ESR1: variants seen among roughly 807,000 people sequenced by gnomAD.
ESR1 encodes estrogen receptor.
A neutral mutation model predicts 52.7 loss-of-function variants in ESR1; 12 were observed. The observed-to-expected ratio is 0.23, with a 90% CI of 0.15 to 0.37. The LOEUF (loss-of-function observed/expected upper bound fraction) is 0.37, where lower values mean the gene tolerates loss of function less well. Ranked by LOEUF, ESR1 falls within the 10% of genes least tolerant of loss-of-function variation. The pLI is 1.00. For missense variants in ESR1, 584 were observed against 779.7 expected, an observed-to-expected ratio of 0.75 and a Z score of 2.99; for synonymous variants, 305 against 316.8, an observed-to-expected ratio of 0.96 and a Z score of 0.39.
chr6:152,022,031 C>T (rs748236794), intron 5 of ESR1, among the ~76,000 whole-genome samples: 6 of 152,108 alleles, frequency 3.9e-5, no homozygotes, highest in South Asian at 2.1e-4. Context: ...AGCATGAAAA[C>T]GGACTAATAC....
At chr6:151,922,915 T>G (rs1353072364) in intron 3 of ESR1, among the ~76,000 whole-genome samples, 1 of 152,210 alleles carries the variant, frequency 6.6e-6, no homozygotes, top group Non-Finnish European at 1.5e-5. Context: ...ATGTCTCCAA[T>G]TCTAACCTGC....
At chr6:152,080,995 G>C (rs1208638817) in intron 6 of ESR1, among the ~76,000 whole-genome samples, 1 of 152,138 alleles carries the variant, frequency 6.6e-6, no homozygotes, top group East Asian at 1.9e-4. Context: ...GACCTACGAA[G>C]AGACATAGAC....
chr6:151,794,667 C>CA (rs1229631909), intron 2 of ESR1, among the ~76,000 whole-genome samples: 6 of 152,006 alleles, frequency 3.9e-5, no homozygotes, highest in African/African-American at 1.4e-4. Flanking sequence ...GAAAATGTTG[C>CA]AAATAGTCAA....
intron 4 of ESR1, among the ~76,000 whole-genome samples, chr6:151,948,671 C>T (rs1055344696): frequency 6.6e-6 from 1 of 152,210 alleles, no homozygotes; most frequent in Admixed American, 6.5e-5. Flanking sequence ...TCCTGACTCC[C>T]TGTCATTTAC....
In ESR1 at chr6:151,944,615, A is replaced by G; in HGVS notation, c.1096+107A>G. The G allele has an allele frequency of 5.0e-6, 5 of 1,007,220 alleles. No homozygotes were observed. The South Asian group carries it at 5.3e-5, about 11-fold the overall frequency. The allele number at this position is 1,007,220 out of a possible 1,614,324, so 62.4% of individuals were successfully genotyped here. A position where few individuals can be genotyped will look rare whatever the true frequency, so the allele number is the denominator to read the frequency against. ...AAAAGAAGCAATAACATGTTATGTA[A>G]TTGGTTTCAAGGTTACAGGAGATGT... On this transcript the variant is annotated intron_variant, in intron 4 of 7. Transcript: ENST00000206249.
At chr6:152,025,740 C>G (rs916679649) in intron 5 of ESR1, among the ~76,000 whole-genome samples, 3 of 151,734 alleles carry the variant, frequency 2.0e-5, no homozygotes, top group African/African-American at 7.3e-5. Flanking sequence ...TTAAGTTATG[C>G]CTTTAGCTTT....
At chr6:152,128,848 C>T (rs2054427011) in exon 7 of ESR1, 1 of 152,230 alleles carries the variant, frequency 6.6e-6, no homozygotes. Context: ...CAGACTCTGC[C>T]TTTCATTCTC....
At position 152,001,315 on chromosome 6, in the gene ESR1, C is replaced by T. The variant is rs181653536; in HGVS notation, c.1097-10341C>T. Among the ~76,000 whole-genome samples, 6 of 151,938 alleles carry T rather than the reference C, an allele frequency of 3.9e-5. No homozygotes were observed. The East Asian group carries it at 7.8e-4, about 20-fold the overall frequency. ...GGCCTCATGCTGTGTCATAACACAG[C>T]AGAGAATTGGAAGGAGAAATGGGCA... On this transcript the variant is annotated intron_variant, in intron 4 of 7. Coordinates refer to ENST00000206249, the MANE Select transcript of ESR1 (RefSeq NM_000125.4).
intron 2 of ESR1, among the ~76,000 whole-genome samples, chr6:151,757,237 TAA>T (rs11357005): frequency 1.2e-4 from 18 of 149,074 alleles, no homozygotes; most frequent in Non-Finnish European, 1.3e-4. Flanking sequence ...AACGTTCCAT[TAA>T]AAAAAAAAAG....
chr6:152,127,946 T>A (rs1307011311), exon 7 of ESR1: 3 of 152,222 alleles, frequency 2.0e-5, no homozygotes, highest in African/African-American at 7.2e-5. Flanking sequence ...TCATTCCATC[T>A]TAGTTCTCTG....
chr6:151,987,576 G>T (rs2040613985), intron 4 of ESR1, among the ~76,000 whole-genome samples: 2 of 151,520 alleles, frequency 1.3e-5, no homozygotes, highest in African/African-American at 4.9e-5. Context: ...CATCCCCCCT[G>T]CAGGGAAGGA....
At chr6:151,680,207 T>C (rs1405737098) in intron 1 of ESR1, among the ~76,000 whole-genome samples, 1 of 144,350 alleles carries the variant, frequency 6.9e-6, no homozygotes, top group South Asian at 2.2e-4. Context: ...CTTTTCTCTT[T>C]TTTTTTTTTT....
intron 2 of ESR1, among the ~76,000 whole-genome samples, chr6:151,769,018 C>T (rs1785288156): frequency 2.6e-5 from 4 of 152,174 alleles, no homozygotes; most frequent in Admixed American, 2.0e-4. Context: ...CCTGACAGCA[C>T]GTTTCTGTGC....
intron 2 of ESR1, among the ~76,000 whole-genome samples, chr6:151,863,885 C>T (rs1789355393): frequency 6.6e-6 from 1 of 152,176 alleles, no homozygotes; most frequent in Admixed American, 6.5e-5. Flanking sequence ...TGGATCACTT[C>T]CTTACACCTT....
intron 4 of ESR1, among the ~76,000 whole-genome samples, chr6:151,963,323 G>A (rs3003925): frequency 0.8 from 121,243 of 152,146 alleles, 48,460 homozygotes; most frequent in Middle Eastern, 0.89. Flanking sequence ...TAAAAGCCTG[G>A]TTGTCTGTTT....
At chr6:151,709,136 G>A (rs539570569) in intron 2 of ESR1, among the ~76,000 whole-genome samples, 5 of 151,114 alleles carry the variant, frequency 3.3e-5, no homozygotes, top group Admixed American at 2.0e-4. Context: ...CCACCCCTCT[G>A]CCCGACACTG....
At chr6:151,775,397 G>A (rs1212110549) in intron 2 of ESR1, among the ~76,000 whole-genome samples, 1 of 152,068 alleles carries the variant, frequency 6.6e-6, no homozygotes, top group Non-Finnish European at 1.5e-5. Flanking sequence ...TTTGGATTTT[G>A]GAGCATTTTG....
intron 1 of ESR1, among the ~76,000 whole-genome samples, chr6:151,698,173 C>T (rs1047961606): frequency 6.6e-6 from 1 of 151,796 alleles, no homozygotes; most frequent in African/African-American, 2.4e-5. Flanking sequence ...TGAGAGCAGT[C>T]TGGGCAACAT....
chr6:151,771,725 G>T (rs1016667098), intron 2 of ESR1, among the ~76,000 whole-genome samples: 1 of 151,976 alleles, frequency 6.6e-6, no homozygotes, highest in Non-Finnish European at 1.5e-5. Context: ...TTACCCCTGG[G>T]GAGTGAGGTT....
Sources: allele counts gnomAD v4.1 joint callset (sites outside exome capture counted in the v4.1 genomes callset), GRCh38; gene constraint gnomAD v4.1.1; transcripts MANE v1.5; gene names NCBI Gene and HGNC (gene_info 2026-07-23, HGNC 2026-07-21).